The following OCRL variants were observed in gnomAD, a reference collection of about 807,000 sequenced individuals.
OCRL encodes the protein inositol polyphosphate 5-phosphatase OCRL.
Under a neutral mutation model 78.9 loss-of-function variants are expected in OCRL, and 8 were observed. That is an observed-to-expected ratio of 0.10 (90% CI 0.06 to 0.18). OCRL has a LOEUF of 0.18. Among genes scored for constraint, OCRL ranks in the 10% least tolerant of loss-of-function variants. The pLI is 1.00. For missense variants in OCRL, 454 were observed against 696.7 expected (o/e 0.65, Z 3.92); for synonymous variants, 240 against 235.4 (o/e 1.02, Z -0.18).
chrX:129,562,872 C>A, intron 12 of OCRL, 86 bp downstream of exon 12: 1 of 905,022 alleles, frequency 1.1e-6, no homozygotes, highest in Non-Finnish European at 1.6e-6. Flanking sequence ...TACTGTAGAG[C>A]TGTGAAGAGT....
intron 6 of OCRL, 121 bp downstream of exon 6, chrX:129,558,071 T>A: frequency 1.8e-6 from 1 of 547,376 alleles, no homozygotes. Context: ...TGCAGAGTAG[T>A]TTTATCAAGT....
Position 129,540,401 on chromosome X carries a change from C to T in OCRL, c.-39C>T. 6 of 1,150,729 alleles carry T rather than the reference C, an allele frequency of 5.2e-6. No homozygotes were observed. Among genetic ancestry groups the T allele is most frequent in the Non-Finnish European group, 6.9e-6 (6 of 867,342 alleles). The allele number at this position is 1,150,729 out of a possible 1,213,427, so 94.8% of individuals were successfully genotyped here. Reference sequence around the variant, plus strand: ...CGGGAGCCAGTGTCGTCGGATCGGCCCGCAGTCCGCTGTCCTGCTGAGCCC... The same window carrying T: ...CGGGAGCCAGTGTCGTCGGATCGGCTCGCAGTCCGCTGTCCTGCTGAGCCC... On this transcript the variant is annotated 5_prime_UTR_variant, in exon 1 of 24. Coordinates refer to ENST00000371113, the MANE Select transcript of OCRL (RefSeq NM_000276.4).
chrX:129,559,122 C>A, intron 8 of OCRL, 121 bp downstream of exon 8: 1 of 617,577 alleles, frequency 1.6e-6, no homozygotes, highest in Non-Finnish European at 2.5e-6. Flanking sequence ...GAATGGTTGC[C>A]TGTTTCAAGC....
chrX:129,549,334 G>A (rs780884666), intron 4 of OCRL, among the ~76,000 whole-genome samples: 22 of 112,351 alleles, frequency 2.0e-4, no homozygotes, highest in Non-Finnish European at 3.4e-4. Context: ...CTATGGAAAA[G>A]AGTATCTGAC....
intron 17 of OCRL, 22 bp downstream of exon 17, chrX:129,576,084 G>A (rs1443401019): frequency 5.9e-6 from 7 of 1,182,150 alleles, no homozygotes; most frequent in Non-Finnish European, 6.8e-6. Context: ...CTTTACCATT[G>A]TCTCTGCTGG....
chrX:129,582,704 T>G (rs994029361), intron 18 of OCRL, among the ~76,000 whole-genome samples: 1 of 112,065 alleles, frequency 8.9e-6, no homozygotes, highest in African/African-American at 3.2e-5. Context: ...CTATTCTAAT[T>G]GCTTTATTTC....
chrX:129,571,280 G>C (rs1718171982), intron 15 of OCRL, among the ~76,000 whole-genome samples: 1 of 110,095 alleles, frequency 9.1e-6, no homozygotes, highest in African/African-American at 3.3e-5. Context: ...TCTTTGGTTA[G>C]ATCAGGTATG....
chrX:129,547,297 G>A (rs1296189317), intron 3 of OCRL, among the ~76,000 whole-genome samples: 8 of 110,159 alleles, frequency 7.3e-5, no homozygotes, highest in Admixed American at 3.9e-4. Context: ...AGGCCAAGGT[G>A]GGCAGATCAC....
intron 18 of OCRL, among the ~76,000 whole-genome samples, chrX:129,576,879 G>A (rs1013834073): frequency 1.8e-5 from 2 of 111,495 alleles, no homozygotes; most frequent in Non-Finnish European, 3.8e-5. Context: ...TAGCATGTAC[G>A]TGAGGTATGC....
At chrX:129,585,822 T>G (rs1263719189) in intron 19 of OCRL, among the ~76,000 whole-genome samples, 1 of 112,165 alleles carries the variant, frequency 8.9e-6, no homozygotes, top group Non-Finnish European at 1.9e-5. Flanking sequence ...GAACACAATG[T>G]TAAGAAGAGA....
At chrX:129,557,264 A>G in intron 4 of OCRL, 61 bp from the exon 5 acceptor site, 1 of 970,904 alleles carries the variant, frequency 1.0e-6, no homozygotes, top group Non-Finnish European at 1.5e-6. Flanking sequence ...AGTTGAGAAT[A>G]TGATCCCAGT....
At chrX:129,540,944 G>A in intron 2 of OCRL, 121 bp downstream of exon 2, 1 of 571,872 alleles carries the variant, frequency 1.7e-6, no homozygotes, top group Non-Finnish European at 3.1e-6. Context: ...TTCAGGTCCA[G>A]GTGTGAAGTG....
At chrX:129,579,329 A>T (rs1453925127) in intron 18 of OCRL, among the ~76,000 whole-genome samples, 2 of 111,545 alleles carry the variant, frequency 1.8e-5, no homozygotes, top group African/African-American at 6.5e-5. Context: ...TATAGTATTC[A>T]TGTTTTTTTT....
At chrX:129,547,078 C>T (rs1935888717) in intron 3 of OCRL, among the ~76,000 whole-genome samples, 1 of 110,787 alleles carries the variant, frequency 9.0e-6, no homozygotes, top group Admixed American at 9.6e-5. Context: ...AAAAAAACAA[C>T]ATTTGCCAGA....
At chrX:129,584,643 G>A (rs1936486776) in intron 19 of OCRL, among the ~76,000 whole-genome samples, 1 of 112,278 alleles carries the variant, frequency 8.9e-6, no homozygotes, top group African/African-American at 3.2e-5. Context: ...GAGCCGTCTT[G>A]ATGTATCTGA....
intron 14 of OCRL, 144 bp downstream of exon 14, chrX:129,567,507 A>G: frequency 2.1e-6 from 1 of 470,046 alleles, no homozygotes; most frequent in East Asian, 3.7e-5. Flanking sequence ...CAGTGCTATT[A>G]TAGAACAATA....
intron 19 of OCRL, 52 bp from the exon 20 acceptor site, chrX:129,586,950 C>A: frequency 1.2e-6 from 1 of 806,692 alleles, no homozygotes; most frequent in Non-Finnish European, 1.9e-6. Context: ...AGTTATACAC[C>A]AAAGTCTTTA....
rs1010204278 is a variant in OCRL at position 129,586,741 on chromosome X, G to A, written c.2140-261G>A. ...CACCTTTGAAAGGATTTAAACACAA[G>A]GCATCCACGTAATAAACATCATAAA... is the stretch of plus-strand genomic sequence containing the variant. On this transcript the variant is annotated intron_variant, in intron 19 of 23. Coordinates refer to ENST00000371113, the MANE Select transcript of OCRL (RefSeq NM_000276.4). The A allele has an allele frequency of 3.7e-5, 17 of 464,778 alleles. No individual in the cohort carries two copies. The African/African-American group carries it at 4.0e-4, about 11-fold the overall frequency. 38.3% of individuals were successfully genotyped at this position (464,778 alleles called of 1,213,427 possible). A position where few individuals can be genotyped will look rare whatever the true frequency, so the allele number is the denominator to read the frequency against.
Position 129,565,755 on chromosome X carries a change from AT to A in OCRL, c.1245-10del. 1.7e-6 allele frequency: 2 copies of A among 1,151,588 alleles called. No individual in the cohort carries two copies. The highest frequency in any genetic ancestry group is 2.4e-6 in the Non-Finnish European group (2 of 841,548). 94.9% of individuals were successfully genotyped at this position (1,151,588 alleles called of 1,213,427 possible). On this transcript the variant is annotated splice_polypyrimidine_tract_variant and intron_variant, in intron 12 of 23. Transcript: ENST00000371113. Reference sequence around the variant, plus strand: ...TGCTAATCGCTACTTCTGTTCATACATTTTTTTGATCCTTAGGGTTGTCATT... The same window carrying A: ...TGCTAATCGCTACTTCTGTTCATACATTTTTTGATCCTTAGGGTTGTCATT...
Sources: gnomAD v4.1 joint callset for allele counts (sites outside exome capture counted in the v4.1 genomes callset) on GRCh38, gnomAD v4.1.1 for gene constraint, MANE v1.5 for transcripts, NCBI Gene and HGNC (gene_info 2026-07-23, HGNC 2026-07-21) for gene names.